Variants in NCKAP5 observed in about 807,000 individuals in gnomAD.
NCKAP5 encodes the protein nck-associated protein 5.
In NCKAP5, 92 loss-of-function variants were observed where a neutral mutation model predicts 167.0. The ratio of observed to expected loss-of-function variants is 0.55; its 90% CI spans 0.47 to 0.66. The LOEUF is 0.66. Ranked by LOEUF, NCKAP5 falls within the 30% of genes least tolerant of loss-of-function variation. The probability of loss-of-function intolerance (pLI) is 0.00; values close to 1 mark genes in which losing one functional copy is unlikely to be tolerated. For missense variants in NCKAP5, 2,378 were observed against 2,315.0 expected (o/e 1.03, Z -0.56); for synonymous variants, 891 against 877.4 (o/e 1.02, Z -0.27).
At chr2:133,557,067 C>T (rs1324182316) in intron 2 of NCKAP5, among the ~76,000 whole-genome samples, 1 of 152,202 alleles carries the variant, frequency 6.6e-6, no homozygotes, top group Non-Finnish European at 1.5e-5. Context: ...ATACAAACCA[C>T]ATGCCTAGCA....
chr2:133,572,597 C>A (rs1286313231), upstream of NCKAP5, among the ~76,000 whole-genome samples: 1 of 152,142 alleles, frequency 6.6e-6, no homozygotes, highest in Admixed American at 6.5e-5. Flanking sequence ...TTGCACTGAG[C>A]CTTTAGTAAT....
the NCKAP5 span, among the ~76,000 whole-genome samples, chr2:133,596,576 G>A: frequency 1.3e-5 from 2 of 152,212 alleles, no homozygotes; most frequent in African/African-American, 2.4e-5. Context: ...ACAGTAGAGG[G>A]AAGAGTCGAG....
At position 133,247,335 on chromosome 2, in the gene NCKAP5, G is replaced by A. The variant is rs142020362; in HGVS notation, c.144-33556C>T. ...GACGTTGTTATAAAAACTGTGAGAA[G>A]CATTAAAAATAAATTTTTACATAAA... On this transcript the variant is annotated intron_variant, in intron 4 of 19. Transcript: ENST00000409261. Among the ~76,000 whole-genome samples the A allele has an allele frequency of 9.2e-5, 14 of 152,246 alleles. No homozygotes were observed. In the East Asian group the frequency reaches 2.7e-3, roughly 29 times the overall value.
At chr2:132,705,529 C>A (rs1688277400) in intron 19 of NCKAP5, among the ~76,000 whole-genome samples, 1 of 152,010 alleles carries the variant, frequency 6.6e-6, no homozygotes, top group South Asian at 2.1e-4. Flanking sequence ...CTCTTCTTTC[C>A]CCTTGAAAAC....
intron 4 of NCKAP5, among the ~76,000 whole-genome samples, chr2:133,238,788 G>A (rs1216383403): frequency 6.6e-6 from 1 of 152,146 alleles, no homozygotes; most frequent in Non-Finnish European, 1.5e-5. Context: ...TCAAGTATCA[G>A]GGGCCAAGGT....
intron 16 of NCKAP5, among the ~76,000 whole-genome samples, chr2:132,743,221 A>C (rs942679303): frequency 2.6e-5 from 4 of 151,888 alleles, no homozygotes; most frequent in African/African-American, 4.8e-5. Context: ...TGAAACATAG[A>C]TGGAATACAA....
At chr2:133,601,726 CAATA>C in the NCKAP5 span, among the ~76,000 whole-genome samples, 1 of 151,942 alleles carries the variant, frequency 6.6e-6, no homozygotes, top group Non-Finnish European at 1.5e-5. Context: ...GAGCAGGACT[CAATA>C]AATAAATAAA....
At chr2:133,491,799 T>C (rs1219578765) in intron 3 of NCKAP5, among the ~76,000 whole-genome samples, 1 of 152,126 alleles carries the variant, frequency 6.6e-6, no homozygotes, top group Non-Finnish European at 1.5e-5. Context: ...CAAGAGACAG[T>C]AGTCACTTCC....
At chr2:133,292,329 G>C (rs559750187) in intron 4 of NCKAP5, among the ~76,000 whole-genome samples, 1 of 150,560 alleles carries the variant, frequency 6.6e-6, no homozygotes, top group East Asian at 1.9e-4. Flanking sequence ...GAGGCACTTT[G>C]TCGCTTCTTA....
chr2:132,860,663 T>C, intron 10 of NCKAP5, 52 bp from the exon 11 acceptor site: 1 of 1,537,052 alleles, frequency 6.5e-7, no homozygotes, highest in South Asian at 1.2e-5. Context: ...AAGATGTCTT[T>C]GCATATTATA....
Position 132,733,302 on chromosome 2 carries a change from G to A in NCKAP5, c.5129-1251C>T, listed in dbSNP as rs535208411. On this transcript the variant is annotated intron_variant, in intron 16 of 19. Transcript: ENST00000409261. The stretch of plus-strand genomic sequence containing the variant: ...CTTACAAGTCTAGCACTGGGTAAGC[G>A]GAACAACTTAGCACTGTGTTAGGCA... Among the ~76,000 whole-genome samples, 6 of 152,222 alleles carry A rather than the reference G, an allele frequency of 3.9e-5. No homozygotes were observed. The South Asian group carries it at 6.2e-4, about 16-fold the overall frequency.
At chr2:132,935,971 AT>A (rs1392064477) in intron 8 of NCKAP5, among the ~76,000 whole-genome samples, 14 of 148,342 alleles carry the variant, frequency 9.4e-5, no homozygotes, top group South Asian at 2.1e-4. Context: ...CTTAAATAAT[AT>A]TTTTTTTCTT....
intron 4 of NCKAP5, among the ~76,000 whole-genome samples, chr2:133,286,683 T>A (rs2150493830): frequency 6.6e-6 from 1 of 152,264 alleles, no homozygotes; most frequent in African/African-American, 2.4e-5. Context: ...GAGCCTCACA[T>A]GTCAAGAGGA....
At chr2:133,044,132 A>G (rs953022716) in intron 6 of NCKAP5, among the ~76,000 whole-genome samples, 2 of 152,324 alleles carry the variant, frequency 1.3e-5, no homozygotes, top group South Asian at 4.1e-4. Flanking sequence ...ATTCACAAAT[A>G]TATAAAAAGT....
At chr2:132,699,160 G>A (rs1221883865) in intron 19 of NCKAP5, among the ~76,000 whole-genome samples, 3 of 152,096 alleles carry the variant, frequency 2.0e-5, no homozygotes, top group African/African-American at 7.2e-5. Context: ...GCCGAGTGGT[G>A]GGGACAGCCT....
chr2:133,107,578 C>T (rs2081752810), intron 6 of NCKAP5, among the ~76,000 whole-genome samples: 1 of 151,914 alleles, frequency 6.6e-6, no homozygotes, highest in South Asian at 2.1e-4. Context: ...AAGAAAATGC[C>T]CTTGAATAAC....
At chr2:133,426,958 A>G (rs559345915) in intron 3 of NCKAP5, among the ~76,000 whole-genome samples, 23 of 152,336 alleles carry the variant, frequency 1.5e-4, no homozygotes, top group African/African-American at 5.1e-4. Flanking sequence ...AATGCAGTAC[A>G]ATGTTCTGGG....
intron 8 of NCKAP5, among the ~76,000 whole-genome samples, chr2:132,936,901 T>G (rs1696895011): frequency 1.3e-5 from 2 of 152,342 alleles, no homozygotes; most frequent in Admixed American, 1.3e-4. Context: ...GAAAATGATT[T>G]ATGAGGCAGG....
intron 3 of NCKAP5, among the ~76,000 whole-genome samples, chr2:133,426,192 C>T (rs1689785781): frequency 6.6e-6 from 1 of 151,998 alleles, no homozygotes; most frequent in Non-Finnish European, 1.5e-5. Context: ...ATAGCTTGAA[C>T]CCAGGAGGCG....
Sources: allele counts gnomAD v4.1 joint callset (sites outside exome capture counted in the v4.1 genomes callset), GRCh38; gene constraint gnomAD v4.1.1; transcripts MANE v1.5; gene names NCBI Gene and HGNC (gene_info 2026-07-23, HGNC 2026-07-21).